The following PIK3C2G variants were observed in gnomAD, a reference collection of about 807,000 sequenced individuals.
PIK3C2G encodes phosphatidylinositol 3-kinase C2 domain-containing subunit gamma.
PIK3C2G carries 168 observed loss-of-function variants against 181.1 expected under a neutral mutation model. The ratio of observed to expected loss-of-function variants is 0.93; its 90% CI spans 0.82 to 1.05. The LOEUF is 1.05. Ranked by LOEUF, PIK3C2G falls within the 50% of genes least tolerant of loss-of-function variation. The pLI is 0.00. For synonymous variants in PIK3C2G, 573 were observed against 592.2 expected, an observed-to-expected ratio of 0.97 and a Z score of 0.47; for missense variants, 1,869 against 1,732.8, an observed-to-expected ratio of 1.08 and a Z score of -1.40.
At chr12:18,404,912 A>G (rs985689770) in intron 16 of PIK3C2G, among the ~76,000 whole-genome samples, 1 of 152,148 alleles carries the variant, frequency 6.6e-6, no homozygotes, top group Non-Finnish European at 1.5e-5. Context: ...TAGATAGATA[A>G]TAGATATTGA....
chr12:18,479,150 C>T (rs1939310721), intron 18 of PIK3C2G, among the ~76,000 whole-genome samples: 1 of 151,588 alleles, frequency 6.6e-6, no homozygotes, highest in Non-Finnish European at 1.5e-5. Flanking sequence ...TACATATACA[C>T]ACACATACAT....
chr12:18,371,094 T>G (rs973137877), intron 12 of PIK3C2G, 86 bp from the exon 13 acceptor site: 2 of 1,100,476 alleles, frequency 1.8e-6, no homozygotes, highest in African/African-American at 3.2e-5. Flanking sequence ...AATATCTTTG[T>G]CCCAGACCAG....
At chr12:18,558,373 A>T (rs1945124232) in intron 26 of PIK3C2G, among the ~76,000 whole-genome samples, 1 of 152,224 alleles carries the variant, frequency 6.6e-6, no homozygotes, top group African/African-American at 2.4e-5. Context: ...TTGTTCAGTC[A>T]TTCAACAAAT....
Position 18,336,867 on chromosome 12 carries a change from T to C in PIK3C2G, c.1273-1559T>C, listed in dbSNP as rs547336378. Among the ~76,000 whole-genome samples the C allele has an allele frequency of 2.0e-5, 3 of 152,152 alleles. No homozygotes were observed. In the South Asian group the frequency reaches 6.2e-4, roughly 31 times the overall value. On this transcript the variant is annotated intron_variant, in intron 8 of 32. Coordinates refer to ENST00000538779, the MANE Select transcript of PIK3C2G (RefSeq NM_001288772.2). Reference sequence around the variant, plus strand: ...GGTTTCGGATTTGTAAAATTACATATCAGAGATACTGGCTATTTTTCCACA... The same window carrying C: ...GGTTTCGGATTTGTAAAATTACATACCAGAGATACTGGCTATTTTTCCACA...
intron 30 of PIK3C2G, among the ~76,000 whole-genome samples, chr12:18,606,618 A>C (rs1034060682): frequency 6.6e-6 from 1 of 152,234 alleles, no homozygotes; most frequent in East Asian, 1.9e-4. Flanking sequence ...AATTATTCAA[A>C]TAAACATGTA....
chr12:18,684,366 T>A, the PIK3C2G span: 1 of 1,282,720 alleles, frequency 7.8e-7, no homozygotes, highest in Non-Finnish European at 1.1e-6. Context: ...AACTTTTTCT[T>A]TTCAACCCTT....
intron 12 of PIK3C2G, among the ~76,000 whole-genome samples, chr12:18,364,304 T>C (rs1406250270): frequency 6.6e-6 from 1 of 152,190 alleles, no homozygotes; most frequent in Non-Finnish European, 1.5e-5. Context: ...AGTATTCCAC[T>C]TGCCCATCTG....
chr12:18,337,487 T>A (rs1938642776), intron 8 of PIK3C2G, among the ~76,000 whole-genome samples: 2 of 151,880 alleles, frequency 1.3e-5, no homozygotes, highest in South Asian at 4.2e-4. Context: ...AGAAAAGAGG[T>A]TGAATTGGCT....
At chr12:18,419,894 T>A (rs957011717) in intron 16 of PIK3C2G, among the ~76,000 whole-genome samples, 1 of 152,148 alleles carries the variant, frequency 6.6e-6, no homozygotes, top group African/African-American at 2.4e-5. Context: ...AACCCTTCAG[T>A]AACCTGATAT....
chr12:18,320,176 T>C (rs1018359438), intron 6 of PIK3C2G: 2 of 152,170 alleles, frequency 1.3e-5, no homozygotes, highest in Admixed American at 6.5e-5. Context: ...ACCCTAGGCA[T>C]TAAGGGACCC....
intron 14 of PIK3C2G, among the ~76,000 whole-genome samples, chr12:18,387,473 C>T (rs1943247186): frequency 1.3e-5 from 2 of 152,166 alleles, no homozygotes; most frequent in South Asian, 4.1e-4. Flanking sequence ...CACTGTCTTG[C>T]TTTCACCTTA....
rs748881447 is a variant in PIK3C2G at position 18,421,073 on chromosome 12, AAC to A, written c.2409+40_2409+41del. On this transcript the variant is annotated intron_variant, in intron 17 of 32. Coordinates refer to ENST00000538779, the MANE Select transcript of PIK3C2G (RefSeq NM_001288772.2). The stretch of plus-strand genomic sequence containing the variant: ...AGTTGCTAAGGAAACCCAGGGTTTT[AAC>A]TAATTATCTCTAAAAGGTTCCTAAT... The A allele has an allele frequency of 1.1e-5, 12 of 1,094,086 alleles. No individual in the cohort carries two copies. The South Asian group carries it at 1.4e-4, about 13-fold the overall frequency. The allele number at this position is 1,094,086 out of a possible 1,614,324, so 67.8% of individuals were successfully genotyped here.
chr12:18,551,152 ACT>A (rs749837051), intron 26 of PIK3C2G, among the ~76,000 whole-genome samples: 6 of 151,710 alleles, frequency 4.0e-5, no homozygotes, highest in Non-Finnish European at 7.4e-5. Flanking sequence ...ATCATCAACT[ACT>A]CTCTGTTTCC....
the PIK3C2G span, chr12:18,699,927 C>G: frequency 6.2e-7 from 1 of 1,611,224 alleles, no homozygotes; most frequent in Non-Finnish European, 8.5e-7. Context: ...CAGATAAGGC[C>G]AGAGCAATTT....
the PIK3C2G span, among the ~76,000 whole-genome samples, chr12:18,681,468 C>G: frequency 1.3e-5 from 2 of 151,918 alleles, no homozygotes; most frequent in African/African-American, 4.8e-5. Flanking sequence ...CACAACATTC[C>G]CAACCTATTC....
chr12:18,542,594 G>T (rs1944217592), intron 25 of PIK3C2G, among the ~76,000 whole-genome samples: 1 of 151,704 alleles, frequency 6.6e-6, no homozygotes, highest in Non-Finnish European at 1.5e-5. Context: ...AGTGCCTGTT[G>T]TTTCTGTCTT....
At chr12:18,617,857 T>C (rs1313247689) in intron 31 of PIK3C2G, among the ~76,000 whole-genome samples, 1 of 152,160 alleles carries the variant, frequency 6.6e-6, no homozygotes, top group Non-Finnish European at 1.5e-5. Flanking sequence ...TTAGGTGTAA[T>C]GTGAAACCTC....
chr12:18,505,811 T>C (rs909145598), intron 24 of PIK3C2G, among the ~76,000 whole-genome samples: 34 of 152,180 alleles, frequency 2.2e-4, no homozygotes, highest in African/African-American at 8.0e-4. Flanking sequence ...GCTATATTGC[T>C]CATAGCAAAT....
intron 18 of PIK3C2G, among the ~76,000 whole-genome samples, chr12:18,427,663 T>C (rs2135739891): frequency 6.6e-6 from 1 of 152,142 alleles, no homozygotes; most frequent in African/African-American, 2.4e-5. Context: ...AAGGCAACAA[T>C]GGGTGCACAC....
Sources: gnomAD v4.1 joint callset for allele counts (sites outside exome capture counted in the v4.1 genomes callset) on GRCh38, gnomAD v4.1.1 for gene constraint, MANE v1.5 for transcripts, NCBI Gene and HGNC (gene_info 2026-07-23, HGNC 2026-07-21) for gene names.